The following MARCHF1 variants were observed in gnomAD, a reference collection of about 807,000 sequenced individuals.
MARCHF1 encodes E3 ubiquitin-protein ligase MARCHF1.
MARCHF1 carries 40 observed loss-of-function variants against 54.2 expected under a neutral mutation model. That is an observed-to-expected ratio of 0.74 (90% CI 0.57 to 0.96). MARCHF1 has a LOEUF of 0.96. Ranked by LOEUF, MARCHF1 falls within the 40% of genes least tolerant of loss-of-function variation. The pLI is 0.00. For missense variants in MARCHF1, 586 were observed against 656.5 expected (o/e 0.89, Z 1.17); for synonymous variants, 236 against 236.3 (o/e 1.00, Z 0.01).
chr4:163,831,389 G>C (rs1478784873), intron 4 of MARCHF1, among the ~76,000 whole-genome samples: 1 of 152,134 alleles, frequency 6.6e-6, no homozygotes, highest in Non-Finnish European at 1.5e-5. Flanking sequence ...TTCAAAATCA[G>C]CCTGGGCAAC....
At chr4:163,547,694 CCA>C (rs1167768498) in intron 8 of MARCHF1, among the ~76,000 whole-genome samples, 4 of 152,214 alleles carry the variant, frequency 2.6e-5, no homozygotes, top group Admixed American at 6.5e-5. Flanking sequence ...AGCTTCTCTT[CCA>C]GTCTATGGAA....
intron 4 of MARCHF1, among the ~76,000 whole-genome samples, chr4:163,740,167 C>T (rs985911466): frequency 1.3e-5 from 2 of 152,186 alleles, no homozygotes; most frequent in Non-Finnish European, 2.9e-5. Context: ...TGTAAAACTA[C>T]CTATCTCCAT....
chr4:163,691,675 A>C (rs146090729), intron 5 of MARCHF1, among the ~76,000 whole-genome samples: 2,968 of 152,242 alleles, frequency 0.019, 45 homozygotes, highest in Non-Finnish European at 0.024. Flanking sequence ...TTTTCTTATA[A>C]GTTTCCTACA....
chr4:164,115,415 T>C (rs1413960314), intron 1 of MARCHF1, among the ~76,000 whole-genome samples: 1 of 152,098 alleles, frequency 6.6e-6, no homozygotes, highest in African/African-American at 2.4e-5. Flanking sequence ...AATTTTGATT[T>C]TGGCAAGGCA....
At chr4:163,875,720 G>C (rs185923199) in intron 3 of MARCHF1, among the ~76,000 whole-genome samples, 1 of 152,142 alleles carries the variant, frequency 6.6e-6, no homozygotes, top group African/African-American at 2.4e-5. Context: ...TGCCTAATTC[G>C]TATTTTGCAA....
intron 4 of MARCHF1, among the ~76,000 whole-genome samples, chr4:163,777,893 A>G (rs896451891): frequency 6.6e-6 from 1 of 152,136 alleles, no homozygotes; most frequent in South Asian, 2.1e-4. Flanking sequence ...CTTCATCCCA[A>G]AAAGTTCCCT....
chr4:163,609,143 T>A (rs776795354), intron 7 of MARCHF1, among the ~76,000 whole-genome samples: 2 of 152,002 alleles, frequency 1.3e-5, no homozygotes, highest in Admixed American at 1.3e-4. Context: ...GTTCACTAAT[T>A]ATTGAAAAAC....
intron 2 of MARCHF1, among the ~76,000 whole-genome samples, chr4:164,099,095 T>G (rs1170359372): frequency 1.3e-5 from 2 of 152,228 alleles, no homozygotes; most frequent in Non-Finnish European, 2.9e-5. Flanking sequence ...TTCACAATCT[T>G]TGCAAAATTT....
intron 4 of MARCHF1, among the ~76,000 whole-genome samples, chr4:163,768,042 C>A (rs1221034714): frequency 6.6e-6 from 1 of 151,972 alleles, no homozygotes; most frequent in African/African-American, 2.4e-5. Context: ...TTTTTTATAT[C>A]TTTTTCTTTG....
intron 1 of MARCHF1, among the ~76,000 whole-genome samples, chr4:164,114,870 A>C (rs922794162): frequency 6.6e-6 from 1 of 151,778 alleles, no homozygotes; most frequent in African/African-American, 2.4e-5. Flanking sequence ...ACAAATCGTC[A>C]CTGATGGAAT....
rs547322298 is a variant in MARCHF1, at chr4:163,767,448, C to G, written c.112-66585G>C. Reference sequence around the variant, plus strand: ...TCCTGGGTTCACGCCATTCTCCTGCCTCAGCCTCCCGAGTAGCTGGGACTA... The same window carrying G: ...TCCTGGGTTCACGCCATTCTCCTGCGTCAGCCTCCCGAGTAGCTGGGACTA... On this transcript the variant is annotated intron_variant, in intron 4 of 9. Coordinates refer to ENST00000514618, the MANE Select transcript of MARCHF1 (RefSeq NM_001394959.1). Among the ~76,000 whole-genome samples the G allele has an allele frequency of 3.3e-5, 5 of 152,158 alleles. No individual in the cohort carries two copies. The East Asian group carries it at 9.7e-4, about 29-fold the overall frequency.
At chr4:163,740,836 A>T (rs1030792230) in intron 4 of MARCHF1, among the ~76,000 whole-genome samples, 1 of 152,216 alleles carries the variant, frequency 6.6e-6, no homozygotes, top group Non-Finnish European at 1.5e-5. Flanking sequence ...TCTAGAGCTC[A>T]TAGTTCACAA....
rs572924441 is a variant in MARCHF1 at position 164,139,944 on chromosome 4, C to A, written c.-322-28282G>T. 6.6e-5 allele frequency among the ~76,000 whole-genome samples: 10 copies of A among 152,018 alleles called. No individual in the cohort carries two copies. In the East Asian group the frequency reaches 1.9e-3, roughly 29 times the overall value. Reference sequence around the variant, plus strand: ...TGGGAATTGATGACATCTTTCACTTCATTTTTCTCCCCCAACCCCCAATAA... The same window carrying A: ...TGGGAATTGATGACATCTTTCACTTAATTTTTCTCCCCCAACCCCCAATAA... On this transcript the variant is annotated intron_variant, in intron 1 of 9. Coordinates refer to ENST00000514618, the MANE Select transcript of MARCHF1 (RefSeq NM_001394959.1).
intron 1 of MARCHF1, among the ~76,000 whole-genome samples, chr4:164,340,916 C>CAAAAAA (rs35543676): frequency 2.1e-5 from 2 of 96,314 alleles, no homozygotes; most frequent in African/African-American, 7.2e-5. Flanking sequence ...GAGGGCACTA[C>CAAAAAA]AAAAAAAAAA....
intron 2 of MARCHF1, among the ~76,000 whole-genome samples, chr4:164,086,948 G>A (rs1321573471): frequency 5.3e-5 from 8 of 152,152 alleles, no homozygotes; most frequent in Non-Finnish European, 7.4e-5. Context: ...AACACCTTTA[G>A]TAAGTTTCAT....
intron 2 of MARCHF1, among the ~76,000 whole-genome samples, chr4:164,041,271 C>T (rs556741490): frequency 2.0e-5 from 3 of 152,094 alleles, no homozygotes; most frequent in African/African-American, 7.2e-5. Flanking sequence ...TCCTACTCAC[C>T]AGAACTTCCA....
At chr4:164,374,237 C>T (rs1179888558) in intron 1 of MARCHF1, among the ~76,000 whole-genome samples, 1 of 149,994 alleles carries the variant, frequency 6.7e-6, no homozygotes, top group Non-Finnish European at 1.5e-5. Context: ...TTAGATTTAA[C>T]AGACGTCAAC....
At chr4:163,968,640 G>T (rs972494118) in intron 3 of MARCHF1, among the ~76,000 whole-genome samples, 1 of 152,042 alleles carries the variant, frequency 6.6e-6, no homozygotes. Flanking sequence ...GCTTTCCTAT[G>T]GTTCTGGGGA....
At chr4:164,298,870 G>T (rs11100543) in intron 1 of MARCHF1, among the ~76,000 whole-genome samples, 149,019 of 152,172 alleles carry the variant, frequency 0.98, 72,981 homozygotes, top group East Asian at 1. Context: ...GGGAATCAAG[G>T]GATAAATAGA....
Sources: allele counts gnomAD v4.1 joint callset (sites outside exome capture counted in the v4.1 genomes callset), GRCh38; gene constraint gnomAD v4.1.1; transcripts MANE v1.5; gene names NCBI Gene and HGNC (gene_info 2026-07-23, HGNC 2026-07-21).